DYNC1I1: variants seen among roughly 807,000 people sequenced by gnomAD.
DYNC1I1 encodes cytoplasmic dynein 1 intermediate chain 1.
In DYNC1I1, 43 loss-of-function variants were observed where a neutral mutation model predicts 86.6. The observed-to-expected ratio is 0.50, with a 90% CI of 0.39 to 0.64. DYNC1I1 has a LOEUF of 0.64. Ranked by LOEUF, DYNC1I1 falls within the 30% of genes least tolerant of loss-of-function variation. The pLI is 0.00. For synonymous variants in DYNC1I1, 262 were observed against 283.7 expected (o/e 0.92, Z 0.77); for missense variants, 604 against 788.8 (o/e 0.77, Z 2.81).
intron 1 of DYNC1I1, among the ~76,000 whole-genome samples, chr7:95,787,752 G>T (rs898307155): frequency 6.6e-6 from 1 of 152,192 alleles, no homozygotes; most frequent in Admixed American, 6.5e-5. Context: ...ATACTGAAAT[G>T]TTAAGTCTAA....
chr7:95,842,373 G>A (rs1390055696), intron 5 of DYNC1I1, among the ~76,000 whole-genome samples: 1 of 152,150 alleles, frequency 6.6e-6, no homozygotes, highest in Non-Finnish European at 1.5e-5. Context: ...AAAGTTAAAA[G>A]GATAAATGGT....
At chr7:95,777,389 T>G (rs946904710) in intron 1 of DYNC1I1, among the ~76,000 whole-genome samples, 1 of 152,134 alleles carries the variant, frequency 6.6e-6, no homozygotes, top group African/African-American at 2.4e-5. Context: ...CAAAGATGAA[T>G]TTACTTTAAG....
At chr7:95,830,664 T>A (rs1400173157) in intron 5 of DYNC1I1, among the ~76,000 whole-genome samples, 2 of 152,316 alleles carry the variant, frequency 1.3e-5, no homozygotes, top group Non-Finnish European at 2.9e-5. Context: ...TAAACATTCA[T>A]GTACAAATAT....
At chr7:95,941,534 C>T (rs1792220155) in intron 6 of DYNC1I1, among the ~76,000 whole-genome samples, 1 of 152,210 alleles carries the variant, frequency 6.6e-6, no homozygotes, top group Non-Finnish European at 1.5e-5. Flanking sequence ...GCCTCACTGC[C>T]ACCTTGCAGT....
At chr7:95,976,372 G>A (rs1793303004) in intron 6 of DYNC1I1, among the ~76,000 whole-genome samples, 1 of 152,188 alleles carries the variant, frequency 6.6e-6, no homozygotes, top group Non-Finnish European at 1.5e-5. Flanking sequence ...CTTAATATTA[G>A]TTAGAATTCT....
At chr7:95,814,985 C>CT (rs963054223) in intron 4 of DYNC1I1, among the ~76,000 whole-genome samples, 1 of 151,896 alleles carries the variant, frequency 6.6e-6, no homozygotes, top group Non-Finnish European at 1.5e-5. Context: ...AATCACATTT[C>CT]TTGGGGGGGG....
At chr7:95,961,184 T>C (rs1792857759) in intron 6 of DYNC1I1, among the ~76,000 whole-genome samples, 1 of 152,188 alleles carries the variant, frequency 6.6e-6, no homozygotes, top group African/African-American at 2.4e-5. Context: ...GGGGCTTCTC[T>C]TGGTCTCTAT....
chr7:95,884,799 A>AAG (rs1370970177), intron 6 of DYNC1I1, among the ~76,000 whole-genome samples: 4 of 152,064 alleles, frequency 2.6e-5, no homozygotes, highest in African/African-American at 9.7e-5. Context: ...AAGACAAAAA[A>AAG]AAAAAAATAA....
intron 6 of DYNC1I1, among the ~76,000 whole-genome samples, chr7:95,952,404 A>G (rs1792584703): frequency 6.6e-6 from 1 of 152,140 alleles, no homozygotes; most frequent in Non-Finnish European, 1.5e-5. Flanking sequence ...GATTACAGAA[A>G]TCTTGAAAAT....
chr7:95,883,782 A>C (rs1421564670), intron 6 of DYNC1I1, among the ~76,000 whole-genome samples: 1 of 152,192 alleles, frequency 6.6e-6, no homozygotes, highest in African/African-American at 2.4e-5. Flanking sequence ...ATGAAAAAAG[A>C]CCACTGTGGA....
chr7:96,076,054 C>T lies in DYNC1I1; in HGVS notation c.1510-3C>T. On this transcript the variant is annotated splice_region_variant and splice_polypyrimidine_tract_variant and intron_variant, in intron 14 of 16. Coordinates refer to ENST00000447467, the MANE Select transcript of DYNC1I1 (RefSeq NM_001135556.2). ...AAGTCTTCACGGTCTCTCTGCTTTACAGCACAACAAGCCGCTCTACTCCTT... is the reference window on the plus strand; with the variant it reads ...AAGTCTTCACGGTCTCTCTGCTTTATAGCACAACAAGCCGCTCTACTCCTT... The T allele has an allele frequency of 6.2e-7, 1 of 1,613,474 alleles. No homozygotes were observed. Among genetic ancestry groups the T allele is most frequent in the Non-Finnish European group, 8.5e-7 (1 of 1,179,514 alleles).
chr7:95,929,505 A>C (rs1464192671), intron 6 of DYNC1I1, among the ~76,000 whole-genome samples: 1 of 152,154 alleles, frequency 6.6e-6, no homozygotes, highest in Admixed American at 6.6e-5. Context: ...CTGCTCATTA[A>C]CAATTGTGCT....
At chr7:95,825,631 G>A (rs1260803409) in intron 4 of DYNC1I1, among the ~76,000 whole-genome samples, 2 of 152,142 alleles carry the variant, frequency 1.3e-5, no homozygotes, top group Non-Finnish European at 2.9e-5. Flanking sequence ...CTCACCCCTG[G>A]CTGCACATTA....
chr7:95,918,602 T>C (rs1418257640), intron 6 of DYNC1I1, among the ~76,000 whole-genome samples: 1 of 152,162 alleles, frequency 6.6e-6, no homozygotes, highest in Non-Finnish European at 1.5e-5. Context: ...GTTGCCTTTT[T>C]TTGTGATGGT....
chr7:95,881,443 T>G (rs1318937949), intron 6 of DYNC1I1, among the ~76,000 whole-genome samples: 1 of 152,240 alleles, frequency 6.6e-6, no homozygotes, highest in Non-Finnish European at 1.5e-5. Context: ...TCTGTAAAAT[T>G]GTTAGCACAG....
intron 10 of DYNC1I1, among the ~76,000 whole-genome samples, chr7:96,008,561 A>C (rs535237610): frequency 1.1e-3 from 174 of 152,354 alleles, no homozygotes; most frequent in African/African-American, 4.1e-3. Flanking sequence ...AGTGGTTAAA[A>C]TTATTAAAAT....
At chr7:95,870,295 A>C (rs1384437087) in intron 6 of DYNC1I1, among the ~76,000 whole-genome samples, 2 of 152,244 alleles carry the variant, frequency 1.3e-5, no homozygotes, top group East Asian at 3.9e-4. Context: ...AACAGTGCTG[A>C]ATTTTATCAA....
At chr7:96,053,917 C>G (rs887208759) in intron 14 of DYNC1I1, among the ~76,000 whole-genome samples, 8 of 152,030 alleles carry the variant, frequency 5.3e-5, no homozygotes, top group African/African-American at 1.9e-4. Context: ...TCTTCTGGTA[C>G]TTTGTAAAGA....
chr7:95,944,195 C>A (rs2116457448), intron 6 of DYNC1I1, among the ~76,000 whole-genome samples: 1 of 152,260 alleles, frequency 6.6e-6, no homozygotes, highest in East Asian at 1.9e-4. Flanking sequence ...ACAAACAACT[C>A]CATCAAAAAG....
Sources: gnomAD v4.1 joint callset for allele counts (sites outside exome capture counted in the v4.1 genomes callset) on GRCh38, gnomAD v4.1.1 for gene constraint, MANE v1.5 for transcripts, NCBI Gene and HGNC (gene_info 2026-07-23, HGNC 2026-07-21) for gene names.